The following GABRG3 variants were observed in gnomAD, a reference collection of about 807,000 sequenced individuals.
The protein encoded by GABRG3 is gamma-aminobutyric acid receptor subunit gamma-3.
Under a neutral mutation model 48.8 loss-of-function variants are expected in GABRG3, and 25 were observed. That is an observed-to-expected ratio of 0.51 (90% CI 0.37 to 0.72). The LOEUF is 0.72. Among genes scored for constraint, GABRG3 ranks in the 30% least tolerant of loss-of-function variants. The pLI is 0.00. For synonymous variants in GABRG3, 227 were observed against 217.6 expected (o/e 1.04, Z -0.38); for missense variants, 394 against 577.9 (o/e 0.68, Z 3.26).
At chr15:26,988,652 A>G (rs1335034320) in intron 2 of GABRG3, among the ~76,000 whole-genome samples, 3 of 151,900 alleles carry the variant, frequency 2.0e-5, no homozygotes, top group East Asian at 3.9e-4. Flanking sequence ...TACTGTTGCT[A>G]TTGATGCAGT....
At chr15:27,528,226 A>G (rs1891328313) in intron 9 of GABRG3, among the ~76,000 whole-genome samples, 1 of 152,240 alleles carries the variant, frequency 6.6e-6, no homozygotes, top group African/African-American at 2.4e-5. Flanking sequence ...TATGGCATAT[A>G]TAGTTCTGAC....
intron 5 of GABRG3, among the ~76,000 whole-genome samples, chr15:27,366,712 C>A (rs1470790114): frequency 6.6e-6 from 1 of 152,184 alleles, no homozygotes; most frequent in Non-Finnish European, 1.5e-5. Flanking sequence ...CTGCAACAAC[C>A]ACCCTTTTCT....
intron 5 of GABRG3, among the ~76,000 whole-genome samples, chr15:27,434,506 C>A (rs1023125983): frequency 4.0e-5 from 6 of 151,850 alleles, no homozygotes; most frequent in African/African-American, 1.5e-4. Flanking sequence ...TAAAATAATT[C>A]ATAATAAATA....
At position 26,976,755 on chromosome 15, in the gene GABRG3, G is replaced by C. The variant is rs1170333632; in HGVS notation, c.54-247G>C. 6.6e-6 allele frequency among the ~76,000 whole-genome samples: 1 copy of C among 152,138 alleles called. No individual in the cohort carries two copies. Among genetic ancestry groups the C allele is most frequent in the Non-Finnish European group, 1.5e-5 (1 of 68,040 alleles). On this transcript the variant is annotated intron_variant, in intron 1 of 9. Transcript: ENST00000615808. The surrounding 1 kb of genome is among the most constrained non-coding windows in gnomAD (Gnocchi z 7.8). ...CGTTGTCTGTAGTTTAACTGGGATG[G>C]GGGATGGTCTTCTGGCATTTAATAA...
At chr15:27,316,518 G>A (rs1051820739) in intron 3 of GABRG3, among the ~76,000 whole-genome samples, 7 of 152,122 alleles carry the variant, frequency 4.6e-5, no homozygotes, top group Non-Finnish European at 5.9e-5. Flanking sequence ...AAGGTCATTG[G>A]TCAGATTAAA....
chr15:27,421,530 T>C (rs1276347228), intron 5 of GABRG3, among the ~76,000 whole-genome samples: 1 of 151,482 alleles, frequency 6.6e-6, no homozygotes, highest in East Asian at 1.9e-4. Context: ...TTCTAAGATA[T>C]CCATTGGAGT....
rs865795360 is a variant in GABRG3, at chr15:27,191,960, T to G, written c.271-134849T>G. 5.8e-3 allele frequency among the ~76,000 whole-genome samples: 881 copies of G among 152,082 alleles called. 9 individuals carry two copies. Among genetic ancestry groups the G allele is most frequent in the African/African-American group, 0.02 (826 of 41,508 alleles). ...TCTCAGCATTTGCTTGTCTGTAAAG[T>G]ATTTTATTTCTCCTTCACTTATGAA... On this transcript the variant is annotated intron_variant, in intron 3 of 9. Transcript: ENST00000615808.
At chr15:27,035,836 G>C (rs1896168152) in intron 3 of GABRG3, among the ~76,000 whole-genome samples, 1 of 152,198 alleles carries the variant, frequency 6.6e-6, no homozygotes, top group Non-Finnish European at 1.5e-5. Flanking sequence ...GGGCTGGAAA[G>C]GCTGAGTTAC....
chr15:27,351,791 GTCT>G (rs1894615948), intron 5 of GABRG3, among the ~76,000 whole-genome samples: 1 of 150,546 alleles, frequency 6.6e-6, no homozygotes, highest in Admixed American at 6.6e-5. Flanking sequence ...TGTGTATGGT[GTCT>G]GTATATATGA....
chr15:27,087,812 AGT>A (rs1897104697), intron 3 of GABRG3, among the ~76,000 whole-genome samples: 1 of 150,082 alleles, frequency 6.7e-6, no homozygotes, highest in East Asian at 2.0e-4. Flanking sequence ...TGTGTATATG[AGT>A]GTGATTATGT....
At chr15:27,152,395 C>A (rs1039625452) in intron 3 of GABRG3, among the ~76,000 whole-genome samples, 12 of 152,114 alleles carry the variant, frequency 7.9e-5, no homozygotes, top group Admixed American at 5.9e-4. Flanking sequence ...ATTAAAAATT[C>A]TTGAATTAGG....
chr15:27,286,234 G>C (rs1891607176), intron 3 of GABRG3, among the ~76,000 whole-genome samples: 1 of 152,138 alleles, frequency 6.6e-6, no homozygotes, highest in Admixed American at 6.5e-5. Flanking sequence ...TACATGCAGG[G>C]CACTGTTTGA....
At chr15:27,119,027 A>G (rs1897688202) in intron 3 of GABRG3, among the ~76,000 whole-genome samples, 1 of 152,154 alleles carries the variant, frequency 6.6e-6, no homozygotes, top group African/African-American at 2.4e-5. Context: ...CCATAAAATA[A>G]TTGTCTAATC....
chr15:27,278,829 G>A (rs560911303), intron 3 of GABRG3, among the ~76,000 whole-genome samples: 1 of 152,284 alleles, frequency 6.6e-6, no homozygotes, highest in Non-Finnish European at 1.5e-5. Context: ...AATATGGTAA[G>A]CGTATGTTGA....
At chr15:27,281,857 T>C (rs2140480016) in intron 3 of GABRG3, among the ~76,000 whole-genome samples, 1 of 152,262 alleles carries the variant, frequency 6.6e-6, no homozygotes, top group East Asian at 1.9e-4. Flanking sequence ...TCTTAATTTT[T>C]GTGTTCTAAA....
chr15:27,289,744 G>A (rs1372979228), intron 3 of GABRG3, among the ~76,000 whole-genome samples: 1 of 152,200 alleles, frequency 6.6e-6, no homozygotes, highest in Non-Finnish European at 1.5e-5. Flanking sequence ...ACAAGGGGAG[G>A]AGGCTGGAAT....
chr15:27,172,773 C>T (rs1887614948), intron 3 of GABRG3, among the ~76,000 whole-genome samples: 1 of 152,160 alleles, frequency 6.6e-6, no homozygotes, highest in Non-Finnish European at 1.5e-5. Context: ...TTACCCAGGG[C>T]AGATGCCTTC....
In GABRG3 at chr15:27,179,037, G is replaced by A. The variant is rs1566955952; in HGVS notation, c.271-147772G>A. On this transcript the variant is annotated intron_variant, in intron 3 of 9. Transcript: ENST00000615808. The surrounding 1 kb of genome is among the most constrained non-coding windows in gnomAD (Gnocchi z 4.0). ...GCCTCAGAGGAGAATGGGACTGAGA[G>A]GAGAGCAGGAGAAGGTCAGAGGAAA... Among the ~76,000 whole-genome samples, 1 of 152,156 alleles carries A rather than the reference G, an allele frequency of 6.6e-6. No individual in the cohort carries two copies. The highest frequency in any genetic ancestry group is 2.4e-5 in the African/African-American group (1 of 41,424).
chr15:27,319,639 A>G lies in GABRG3; in HGVS notation c.271-7170A>G, dbSNP rs11632663. On this transcript the variant is annotated intron_variant, in intron 3 of 9. Coordinates refer to ENST00000615808, the MANE Select transcript of GABRG3 (RefSeq NM_033223.5). This position sits in a 1 kb window ranked among gnomAD's most constrained non-coding sequence, Gnocchi z 4.4. ...GGAGAGGACTGGACGAGGCTGGATA[A>G]GAGGGTGTCCAGGCGTGGGCAGAGC... 0.09 allele frequency among the ~76,000 whole-genome samples: 13,754 copies of G among 152,170 alleles called. 732 individuals are homozygous for G. Among genetic ancestry groups the G allele is most frequent in the African/African-American group, 0.15 (6,184 of 41,498 alleles).
Sources: gnomAD v4.1 joint callset for allele counts (sites outside exome capture counted in the v4.1 genomes callset) on GRCh38, gnomAD v4.1.1 for gene constraint, Gnocchi (gnomAD v3.1) non-coding constraint, MANE v1.5 for transcripts, NCBI Gene and HGNC (gene_info 2026-07-23, HGNC 2026-07-21) for gene names.